Variants in DDB2 observed in about 807,000 individuals in gnomAD.
The protein encoded by DDB2 is damage specific DNA binding protein 2, also known as DNA damage-binding protein 2.
In DDB2, 27 loss-of-function variants were observed where a neutral mutation model predicts 50.5. That is an observed-to-expected ratio of 0.53 (90% CI 0.39 to 0.74). The LOEUF (loss-of-function observed/expected upper bound fraction) is 0.74, where lower values mean the gene tolerates loss of function less well. Among genes scored for constraint, DDB2 ranks in the 30% least tolerant of loss-of-function variants. The pLI, the probability that DDB2 is intolerant of heterozygous loss-of-function variation, is 0.00. For synonymous variants in DDB2, 176 were observed against 205.5 expected (o/e 0.86, Z 1.23); for missense variants, 424 against 545.6 (o/e 0.78, Z 2.22).
At chr11:47,221,401 G>A (rs552927622) in intron 3 of DDB2, among the ~76,000 whole-genome samples, 2 of 151,854 alleles carry the variant, frequency 1.3e-5, no homozygotes, top group East Asian at 3.9e-4. Flanking sequence ...AGCCTCCCGA[G>A]TAGCTGGGAT....
chr11:47,222,606 A>G (rs1953501616), intron 3 of DDB2, among the ~76,000 whole-genome samples: 1 of 152,214 alleles, frequency 6.6e-6, no homozygotes, highest in South Asian at 2.1e-4. Flanking sequence ...TTAGCCTCCC[A>G]AAGTGCCGGG....
chr11:47,214,548 T>TA (rs1953369044), upstream of DDB2: 1 of 156,106 alleles, frequency 6.4e-6, no homozygotes, highest in Non-Finnish European at 1.4e-5. Flanking sequence ...GCCCAGGAGT[T>TA]AAAGACCGGC....
chr11:47,224,925 C>T (rs1953535521), intron 3 of DDB2, among the ~76,000 whole-genome samples: 1 of 151,884 alleles, frequency 6.6e-6, no homozygotes, highest in South Asian at 2.1e-4. Flanking sequence ...TTTCTCTCCT[C>T]ATATTTATTA....
chr11:47,220,545 T>G (rs948265230), intron 3 of DDB2: 1 of 152,254 alleles, frequency 6.6e-6, no homozygotes, highest in African/African-American at 2.4e-5. Flanking sequence ...GCGTGTAACC[T>G]TCTTTACAGT....
At chr11:47,233,898 G>A (rs1033819913) in intron 4 of DDB2, among the ~76,000 whole-genome samples, 29 of 152,174 alleles carry the variant, frequency 1.9e-4, no homozygotes, top group African/African-American at 6.8e-4. Context: ...GGATAGACAA[G>A]GCTCCAGGCT....
At chr11:47,229,645 CTCGAA>C (rs1240473723) in intron 3 of DDB2, 2 of 254,490 alleles carry the variant, frequency 7.9e-6, no homozygotes, top group Non-Finnish European at 7.9e-6. Flanking sequence ...AAGAGAGAAA[CTCGAA>C]TCAACTCTGT....
Position 47,238,799 on chromosome 11 carries a change from G to A in DDB2, c.1235-1G>A, listed in dbSNP as rs2135519486. ...AGTCAGACTGGTCTCACTCTTCCTAGGTTACCACATTCTCATCTGGAGCCA... is the reference window on the plus strand; with the variant it reads ...AGTCAGACTGGTCTCACTCTTCCTAAGTTACCACATTCTCATCTGGAGCCA... On this transcript the variant is annotated splice_acceptor_variant, in intron 9 of 9. Transcript: ENST00000256996. LOFTEE classifies it high-confidence loss of function. The A allele has an allele frequency of 6.2e-7, 1 of 1,613,646 alleles. No individual in the cohort carries two copies. Among genetic ancestry groups the A allele is most frequent in the African/African-American group, 1.3e-5 (1 of 74,924 alleles).
At chr11:47,221,985 A>G (rs1291139629) in intron 3 of DDB2, among the ~76,000 whole-genome samples, 2 of 152,236 alleles carry the variant, frequency 1.3e-5, no homozygotes, top group African/African-American at 2.4e-5. Context: ...GTCCTACTCC[A>G]GAGAAGCAGT....
rs1339083170 is a variant in DDB2 at position 47,216,882 on chromosome 11, A to G, written c.289A>G (p.Thr97Ala). 2.5e-6 allele frequency: 4 copies of G among 1,613,658 alleles called. No homozygotes were observed. Among genetic ancestry groups the G allele is most frequent in the African/African-American group, 2.7e-5 (2 of 74,862 alleles). Residue 97 changes from threonine to alanine, a missense_variant, in exon 3 of 10, where the codon ACT becomes GCT. By Grantham distance (58) the Thr-to-Ala change is moderately conservative (BLOSUM62 0). Coordinates refer to ENST00000256996, the MANE Select transcript of DDB2 (RefSeq NM_000107.3). ...QQGLQQSFLH[T>A]LDSYRILQKA... ...GGGGCTCCAGCAGTCCTTTTTGCACACTCTGGATTCTTACCGGATATTACA... is the reference window on the plus strand; with the variant it reads ...GGGGCTCCAGCAGTCCTTTTTGCACGCTCTGGATTCTTACCGGATATTACA...
At chr11:47,218,987 C>G (rs1414680864) in intron 3 of DDB2, among the ~76,000 whole-genome samples, 1 of 152,190 alleles carries the variant, frequency 6.6e-6, no homozygotes, top group Non-Finnish European at 1.5e-5. Context: ...CTCTGTCACC[C>G]AGGCTGGAGT....
At chr11:47,238,254 C>T in intron 9 of DDB2, 71 bp downstream of exon 9, 1 of 1,387,504 alleles carries the variant, frequency 7.2e-7, no homozygotes, top group African/African-American at 1.4e-5. Flanking sequence ...GCGGGCCAGC[C>T]TCAGCCCCGC....
chr11:47,232,763 C>T (rs750666045), intron 3 of DDB2, 51 bp from the exon 4 acceptor site: 6 of 1,606,580 alleles, frequency 3.7e-6, no homozygotes, highest in Admixed American at 1.7e-5. Context: ...GGCCTGGTTC[C>T]TCACGGCCAG....
Position 47,238,960 on chromosome 11 carries a change from G to A in DDB2, c.*111G>A. ...AAAGGGCCAAAAGTATCCAAGGTTA[G>A]GGTTGGAGCAGGGGTGCTGGGACCT... On this transcript the variant is annotated 3_prime_UTR_variant, in exon 10 of 10. Transcript: ENST00000256996. 1 of 1,204,516 alleles carries A rather than the reference G, an allele frequency of 8.3e-7. No homozygotes were observed. Among genetic ancestry groups the A allele is most frequent in the Non-Finnish European group, 1.2e-6 (1 of 835,456 alleles). The allele number at this position is 1,204,516 out of a possible 1,614,324, so 74.6% of individuals were successfully genotyped here.
intron 2 of DDB2, 93 bp from the exon 3 acceptor site, chr11:47,216,764 TG>T: frequency 7.6e-7 from 1 of 1,321,082 alleles, no homozygotes; most frequent in Non-Finnish European, 1.1e-6. Flanking sequence ...TGGGAGGACT[TG>T]GATCTAGGGC....
intron 3 of DDB2, among the ~76,000 whole-genome samples, chr11:47,228,977 A>ATATCTATT (rs1554974381): frequency 8.0e-6 from 1 of 124,660 alleles, no homozygotes. Context: ...AAAAAAAGAA[A>ATATCTATT]TATCTATCTA....
In DDB2 at chr11:47,217,157, C is replaced by T. The variant is rs533945496; in HGVS notation, c.456+108C>T. The stretch of plus-strand genomic sequence containing the variant: ...TTGGGAGGCCAAGGTGGGTGGATCA[C>T]CTGAGGTATGGAGTTTGAGACCAGC... On this transcript the variant is annotated intron_variant, in intron 3 of 9. Transcript: ENST00000256996. 822 of 909,960 alleles carry T rather than the reference C, an allele frequency of 9.0e-4. 3 individuals carry two copies. Among genetic ancestry groups the T allele is most frequent in the Non-Finnish European group, 1.2e-3 (691 of 566,588 alleles). The allele number at this position is 909,960 out of a possible 1,614,324, so 56.4% of individuals were successfully genotyped here.
chr11:47,234,006 C>T (rs978708510), intron 4 of DDB2, among the ~76,000 whole-genome samples: 9 of 152,196 alleles, frequency 5.9e-5, no homozygotes, highest in Non-Finnish European at 8.8e-5. Flanking sequence ...AAACTGTGAG[C>T]TGAGCTCTTC....
chr11:47,227,353 C>T (rs1049969112), intron 3 of DDB2, among the ~76,000 whole-genome samples: 11 of 151,902 alleles, frequency 7.2e-5, no homozygotes, highest in Admixed American at 2.6e-4. Context: ...GTGATCTACC[C>T]GCCTCGGCCT....
intron 7 of DDB2, among the ~76,000 whole-genome samples, chr11:47,236,864 C>T (rs900552813): frequency 6.6e-6 from 1 of 152,170 alleles, no homozygotes; most frequent in Admixed American, 6.6e-5. Flanking sequence ...AGCCAGGTGT[C>T]GTAAGTCATT....
Sources: allele counts gnomAD v4.1 joint callset (sites outside exome capture counted in the v4.1 genomes callset), GRCh38; gene constraint gnomAD v4.1.1; transcripts MANE v1.5; gene names NCBI Gene and HGNC (gene_info 2026-07-23, HGNC 2026-07-21).